Variants in RNF214 observed in about 807,000 individuals in gnomAD.
RNF214 encodes the protein ring finger protein 214.
Under a neutral mutation model 75.9 loss-of-function variants are expected in RNF214, and 25 were observed. That is an observed-to-expected ratio of 0.33 (90% CI 0.24 to 0.46). RNF214 has a LOEUF of 0.46. RNF214 is among the 20% of genes least tolerant of loss of function. The pLI is 1.00. For missense variants in RNF214, 725 were observed against 857.5 expected (o/e 0.85, Z 1.93); for synonymous variants, 314 against 308.8 (o/e 1.02, Z -0.18).
intron 3 of RNF214, chr11:117,239,340 C>T: frequency 1.8e-6 from 1 of 559,388 alleles, no homozygotes; most frequent in Non-Finnish European, 3.2e-6. Flanking sequence ...CAAGTAGGAA[C>T]TTTATGACCT....
At chr11:117,255,805 T>G (rs951850257) in intron 6 of RNF214, among the ~76,000 whole-genome samples, 1 of 152,222 alleles carries the variant, frequency 6.6e-6, no homozygotes, top group Admixed American at 6.5e-5. Context: ...CTCCTAAACT[T>G]TCTTTGCTTC....
chr11:117,255,579 C>T (rs2033501316), intron 6 of RNF214, among the ~76,000 whole-genome samples: 1 of 152,060 alleles, frequency 6.6e-6, no homozygotes, highest in Non-Finnish European at 1.5e-5. Context: ...TCTTGACCCC[C>T]TGGGCTCAAG....
intron 6 of RNF214, among the ~76,000 whole-genome samples, chr11:117,264,773 C>G (rs2033757638): frequency 6.6e-6 from 1 of 152,008 alleles, no homozygotes; most frequent in Non-Finnish European, 1.5e-5. Context: ...TGTAGACAGC[C>G]TATAATTGGG....
intron 6 of RNF214, among the ~76,000 whole-genome samples, chr11:117,254,027 G>A (rs1055345710): frequency 3.3e-5 from 5 of 152,142 alleles, no homozygotes; most frequent in African/African-American, 1.2e-4. Flanking sequence ...GCCGAGTGGG[G>A]CAGATCACCT....
Position 117,285,448 on chromosome 11 carries a change from T to A in RNF214, c.*297T>A, listed in dbSNP as rs1020608713. 4.2e-6 allele frequency: 1 copy of A among 240,596 alleles called. No homozygotes were observed. The highest frequency in any genetic ancestry group is 8.1e-6 in the Non-Finnish European group (1 of 123,788). 14.9% of individuals were successfully genotyped at this position (240,596 alleles called of 1,614,324 possible). A position where few individuals can be genotyped will look rare whatever the true frequency, so the allele number is the denominator to read the frequency against. On this transcript the variant is annotated 3_prime_UTR_variant, in exon 15 of 15. Transcript: ENST00000300650. ...TATGATATCCCTGCCCAGGGCTGTT[T>A]TCAAATACAATATAAAAACCACCTA...
chr11:117,240,175 A>G (rs2033031392), intron 4 of RNF214, among the ~76,000 whole-genome samples: 1 of 151,838 alleles, frequency 6.6e-6, no homozygotes, highest in South Asian at 2.1e-4. Flanking sequence ...CAACACAGTG[A>G]AACACCATGT....
intron 6 of RNF214, among the ~76,000 whole-genome samples, chr11:117,271,305 G>A (rs2033905221): frequency 6.6e-6 from 1 of 152,142 alleles, no homozygotes; most frequent in South Asian, 2.1e-4. Context: ...CAAAATTCTA[G>A]CCACCTTGGC....
chr11:117,285,380 A>G lies in RNF214; in HGVS notation c.*229A>G. The G allele has an allele frequency of 2.6e-6, 1 of 388,314 alleles. No individual in the cohort carries two copies. Among genetic ancestry groups the G allele is most frequent in the Non-Finnish European group, 4.6e-6 (1 of 216,130 alleles). 24.1% of individuals were successfully genotyped at this position (388,314 alleles called of 1,614,324 possible). A position where few individuals can be genotyped will look rare whatever the true frequency, so the allele number is the denominator to read the frequency against. On this transcript the variant is annotated 3_prime_UTR_variant, in exon 15 of 15. Transcript: ENST00000300650. ...CCTCATCTTGCAATTCCTTTGGGGG[A>G]TGCAGATTGTAGGGAAGATGATGTT... is the stretch of plus-strand genomic sequence containing the variant.
At chr11:117,277,701 G>T (rs2034041081) in intron 6 of RNF214, among the ~76,000 whole-genome samples, 1 of 152,224 alleles carries the variant, frequency 6.6e-6, no homozygotes, top group South Asian at 2.1e-4. Flanking sequence ...GCCAGGCGTG[G>T]TGGCTCACGC....
chr11:117,247,010 G>C (rs561391798), intron 6 of RNF214, 62 bp downstream of exon 6: 48 of 1,266,044 alleles, frequency 3.8e-5, no homozygotes, highest in Non-Finnish European at 4.8e-5. Flanking sequence ...GGCCAGACCC[G>C]TTTGTATTTG....
Position 117,281,986 on chromosome 11 carries a change from G to A in RNF214, c.1428G>A (p.Met476Ile). The A allele has an allele frequency of 6.2e-7, 1 of 1,614,062 alleles. No individual in the cohort carries two copies. Among genetic ancestry groups the A allele is most frequent in the Non-Finnish European group, 8.5e-7 (1 of 1,180,006 alleles). Residue 476 changes from methionine to isoleucine, a missense_variant, in exon 11 of 15, where the codon ATG (methionine) becomes ATA (isoleucine). Transcript: ENST00000300650. The part of the protein sequence containing the change: ...SIGQVTMPMV[M>I]PSADPRSLSF... ...GGCAGGTCACAATGCCCATGGTTAT[G>A]CCCAGTGCAGATCCCCGCTCCTTGT...
chr11:117,256,848 C>A (rs1341505922), intron 6 of RNF214, among the ~76,000 whole-genome samples: 2 of 152,144 alleles, frequency 1.3e-5, no homozygotes, highest in Non-Finnish European at 2.9e-5. Context: ...CTTGCTACTA[C>A]AGCAAGTAGC....
chr11:117,283,345 A>T, intron 14 of RNF214, 135 bp downstream of exon 14: 1 of 646,902 alleles, frequency 1.5e-6, no homozygotes. Flanking sequence ...GGTGCTCATC[A>T]TTAATATCTT....
chr11:117,235,352 A>G (rs1170136891), intron 2 of RNF214, among the ~76,000 whole-genome samples: 3 of 151,674 alleles, frequency 2.0e-5, no homozygotes, highest in African/African-American at 7.3e-5. Context: ...GCCCGCCACT[A>G]CGCCCGGCTA....
intron 6 of RNF214, among the ~76,000 whole-genome samples, chr11:117,275,173 A>T (rs1229044877): frequency 6.6e-6 from 1 of 152,238 alleles, no homozygotes; most frequent in Non-Finnish European, 1.5e-5. Context: ...TGAGTTAACA[A>T]TGAAATCAAG....
chr11:117,282,593 G>T, intron 12 of RNF214, 57 bp downstream of exon 12: 1 of 1,594,786 alleles, frequency 6.3e-7, no homozygotes, highest in South Asian at 1.1e-5. Flanking sequence ...GGAAGAGGTA[G>T]ATTTCAGAAA....
chr11:117,248,626 G>A (rs1325324918), intron 6 of RNF214, among the ~76,000 whole-genome samples: 1 of 152,168 alleles, frequency 6.6e-6, no homozygotes, highest in South Asian at 2.1e-4. Flanking sequence ...CAGTTGTTCT[G>A]TTGAGAATCT....
chr11:117,243,136 A>G (rs2033124537), intron 4 of RNF214, among the ~76,000 whole-genome samples: 1 of 117,546 alleles, frequency 8.5e-6, no homozygotes, highest in Non-Finnish European at 1.6e-5. Flanking sequence ...TTTTTTATTA[A>G]TTAATTAATT....
intron 2 of RNF214, among the ~76,000 whole-genome samples, chr11:117,237,463 TG>T (rs2032941330): frequency 6.6e-6 from 1 of 152,166 alleles, no homozygotes; most frequent in Non-Finnish European, 1.5e-5. Flanking sequence ...CATTGCTAGT[TG>T]GGTATGGTTA....
Sources: gnomAD v4.1 joint callset for allele counts (sites outside exome capture counted in the v4.1 genomes callset) on GRCh38, gnomAD v4.1.1 for gene constraint, MANE v1.5 for transcripts, NCBI Gene and HGNC (gene_info 2026-07-23, HGNC 2026-07-21) for gene names.